Variants in SLC4A4 observed in about 807,000 individuals in gnomAD.
The protein encoded by SLC4A4 is electrogenic sodium bicarbonate cotransporter 1.
In SLC4A4, 27 loss-of-function variants were observed where a neutral mutation model predicts 111.5. The ratio of observed to expected loss-of-function variants is 0.24; its 90% CI spans 0.18 to 0.33. The LOEUF is 0.33. Ranked by LOEUF, SLC4A4 falls within the 10% of genes least tolerant of loss-of-function variation. The probability of loss-of-function intolerance (pLI) is 1.00; values close to 1 mark genes in which losing one functional copy is unlikely to be tolerated. For synonymous variants in SLC4A4, 443 were observed against 463.4 expected, an observed-to-expected ratio of 0.96 and a Z score of 0.57; for missense variants, 909 against 1,315.5, an observed-to-expected ratio of 0.69 and a Z score of 4.78.
chr4:71,320,330 C>T (rs973782489), intron 3 of SLC4A4, among the ~76,000 whole-genome samples: 1 of 152,078 alleles, frequency 6.6e-6, no homozygotes, highest in East Asian at 1.9e-4. Flanking sequence ...AGTCTTCCTT[C>T]TGGTCCCTTC....
intron 2 of SLC4A4, among the ~76,000 whole-genome samples, chr4:71,108,485 G>A (rs140717828): frequency 6.6e-6 from 1 of 152,320 alleles, no homozygotes; most frequent in Non-Finnish European, 1.5e-5. Flanking sequence ...GGCCTCCAAA[G>A]TTTCTGATGA....
rs538630059 is a variant in SLC4A4, at chr4:71,288,855, T to G, written c.253+33456T>G. 2.0e-5 allele frequency among the ~76,000 whole-genome samples: 3 copies of G among 152,338 alleles called. No individual in the cohort carries two copies. The East Asian group carries it at 5.8e-4, about 29-fold the overall frequency. ...TCTGTGGTATTTCTCTCATTCCATCTTATGAGTTAAAAAAATCAATCCTAA... is the reference window on the plus strand; with the variant it reads ...TCTGTGGTATTTCTCTCATTCCATCGTATGAGTTAAAAAAATCAATCCTAA... On this transcript the variant is annotated intron_variant, in intron 3 of 25. Transcript: ENST00000264485.
intron 1 of SLC4A4, among the ~76,000 whole-genome samples, chr4:71,089,774 G>C (rs112253203): frequency 6.6e-6 from 1 of 152,104 alleles, no homozygotes; most frequent in Non-Finnish European, 1.5e-5. Flanking sequence ...TCTCAGAGGA[G>C]TACCCGGCCA....
At position 71,135,217 on chromosome 4, in the gene SLC4A4, T is replaced by G. The variant is rs561240803; in HGVS notation, c.-2+42425T>G. ...ACAATATGATGTTTTGAACTGTATA[T>G]AGTGGAATGGCTAAATTGAGCTAAT... is the stretch of plus-strand genomic sequence containing the variant. On this transcript the variant is annotated intron_variant, in intron 2 of 26. Transcript: ENST00000649996. Among the ~76,000 whole-genome samples, 8 of 152,168 alleles carry G rather than the reference T, an allele frequency of 5.3e-5. 1 individual carries two copies. In the East Asian group the frequency reaches 1.5e-3, roughly 29 times the overall value.
intron 1 of SLC4A4, among the ~76,000 whole-genome samples, chr4:71,223,207 C>T (rs978926425): frequency 1.3e-5 from 2 of 151,438 alleles, no homozygotes; most frequent in African/African-American, 4.9e-5. Context: ...ACCAAGCCTC[C>T]CTCTGTCGCC....
At chr4:71,096,213 G>A (rs1578474996) in intron 2 of SLC4A4, among the ~76,000 whole-genome samples, 2 of 152,106 alleles carry the variant, frequency 1.3e-5, no homozygotes, top group East Asian at 1.9e-4. Flanking sequence ...TAGAAAATAA[G>A]GTTAGTTTAG....
intron 7 of SLC4A4, among the ~76,000 whole-genome samples, chr4:71,419,751 C>A (rs758275878): frequency 1.3e-5 from 2 of 152,346 alleles, no homozygotes; most frequent in South Asian, 4.1e-4. Flanking sequence ...AACCCGGTAC[C>A]TCAGATGGAA....
At chr4:71,272,293 T>G (rs992983805) in intron 3 of SLC4A4, among the ~76,000 whole-genome samples, 2 of 152,160 alleles carry the variant, frequency 1.3e-5, no homozygotes, top group African/African-American at 4.8e-5. Context: ...TATGTGTTGT[T>G]GTTATTGAAT....
At chr4:71,328,496 T>C (rs1435963573) in intron 3 of SLC4A4, among the ~76,000 whole-genome samples, 3 of 152,088 alleles carry the variant, frequency 2.0e-5, no homozygotes, top group African/African-American at 7.2e-5. Flanking sequence ...TTATTGCCTG[T>C]CTTTTGGATA....
chr4:71,373,075 C>T (rs945301059), intron 6 of SLC4A4, among the ~76,000 whole-genome samples: 3 of 152,076 alleles, frequency 2.0e-5, no homozygotes, highest in African/African-American at 4.8e-5. Flanking sequence ...TTTTCTCTGG[C>T]TCTAGGGTCT....
chr4:71,106,951 GA>G (rs888017363), intron 2 of SLC4A4, among the ~76,000 whole-genome samples: 45 of 143,152 alleles, frequency 3.1e-4, no homozygotes, highest in Middle Eastern at 3.4e-3. Flanking sequence ...TAAATAATAA[GA>G]AAAAAAAGTC....
At chr4:71,176,193 A>G (rs1208797874) in intron 2 of SLC4A4, among the ~76,000 whole-genome samples, 1 of 152,192 alleles carries the variant, frequency 6.6e-6, no homozygotes, top group South Asian at 2.1e-4. Flanking sequence ...CACCATCATC[A>G]AAGACCAAAG....
chr4:71,484,666 T>C (rs1173234218), intron 14 of SLC4A4, among the ~76,000 whole-genome samples: 2 of 151,732 alleles, frequency 1.3e-5, no homozygotes, highest in African/African-American at 4.8e-5. Context: ...AATTTTAAAA[T>C]AGTTTTTTCT....
At chr4:71,380,193 G>A (rs1039343031) in intron 6 of SLC4A4, among the ~76,000 whole-genome samples, 1 of 152,106 alleles carries the variant, frequency 6.6e-6, no homozygotes, top group Non-Finnish European at 1.5e-5. Context: ...TTTGGTTAGG[G>A]CCTTCGTTTC....
chr4:71,119,760 ACTTC>A (rs1410704499), intron 2 of SLC4A4, among the ~76,000 whole-genome samples: 6 of 152,158 alleles, frequency 3.9e-5, no homozygotes, highest in African/African-American at 1.2e-4. Flanking sequence ...TCCTTATGGA[ACTTC>A]AATTAAATCA....
intron 6 of SLC4A4, among the ~76,000 whole-genome samples, chr4:71,371,339 G>C (rs971658932): frequency 2.0e-5 from 3 of 148,780 alleles, no homozygotes; most frequent in African/African-American, 7.4e-5. Context: ...TGCCTCCTGA[G>C]TTCAAGCAAT....
intron 7 of SLC4A4, among the ~76,000 whole-genome samples, chr4:71,416,211 A>G (rs546527076): frequency 6.6e-6 from 1 of 152,300 alleles, no homozygotes; most frequent in Admixed American, 6.5e-5. Flanking sequence ...TTGTGATGTT[A>G]GCTATATATA....
At chr4:71,171,146 TTTTG>T (rs1487639982) in intron 2 of SLC4A4, among the ~76,000 whole-genome samples, 2 of 151,764 alleles carry the variant, frequency 1.3e-5, no homozygotes, top group Admixed American at 1.3e-4. Flanking sequence ...ACTGAAAAAT[TTTTG>T]TTTGTTTTGT....
At chr4:71,229,135 C>G (rs1239973319) in intron 1 of SLC4A4, among the ~76,000 whole-genome samples, 1 of 152,140 alleles carries the variant, frequency 6.6e-6, no homozygotes, top group Non-Finnish European at 1.5e-5. Flanking sequence ...TTTTGTCACT[C>G]CATATAAATT....
Sources: gnomAD v4.1 joint callset for allele counts (sites outside exome capture counted in the v4.1 genomes callset) on GRCh38, gnomAD v4.1.1 for gene constraint, MANE v1.5 for transcripts, NCBI Gene and HGNC (gene_info 2026-07-23, HGNC 2026-07-21) for gene names.